Variants in KLF8 observed in about 807,000 individuals in gnomAD.
KLF8 encodes KLF transcription factor 8, also known as Krueppel-like factor 8.
KLF8 carries 10 observed loss-of-function variants against 18.2 expected under a neutral mutation model. The observed-to-expected ratio is 0.55, with a 90% CI of 0.34 to 0.93. The LOEUF (loss-of-function observed/expected upper bound fraction) is 0.93. Ranked by LOEUF, KLF8 falls within the 40% of genes least tolerant of loss-of-function variation. The pLI, the probability that KLF8 is intolerant of heterozygous loss-of-function variation, is 0.02. For synonymous variants in KLF8, 109 were observed against 97.3 expected (o/e 1.12, Z -0.71); for missense variants, 264 against 277.9 (o/e 0.95, Z 0.36).
the KLF8 span, among the ~76,000 whole-genome samples, chrX:56,058,966 C>T: frequency 8.0e-5 from 9 of 111,935 alleles, no homozygotes; most frequent in African/African-American, 2.9e-4. Context: ...CCACTCCCAC[C>T]AACAGTGTAA....
At chrX:56,070,763 G>A in the KLF8 span, among the ~76,000 whole-genome samples, 8,705 of 112,320 alleles carry the variant, frequency 0.078, 817 homozygotes, top group African/African-American at 0.27. Context: ...TTCTGCACAT[G>A]TATCTTGGAA....
chrX:55,944,793 A>T, the KLF8 span, among the ~76,000 whole-genome samples: 9 of 110,922 alleles, frequency 8.1e-5, no homozygotes, highest in Non-Finnish European at 1.7e-4. Flanking sequence ...TCCTGTATTC[A>T]TTAATTTTTT....
chrX:56,094,461 A>C, the KLF8 span, among the ~76,000 whole-genome samples: 3 of 111,257 alleles, frequency 2.7e-5, no homozygotes, highest in Admixed American at 2.9e-4. Context: ...AAAATATAGG[A>C]GGCCAAAACT....
At chrX:56,051,581 A>G in the KLF8 span, among the ~76,000 whole-genome samples, 9,479 of 110,628 alleles carry the variant, frequency 0.086, 1,104 homozygotes, top group African/African-American at 0.3. Context: ...TTCTTTAAGA[A>G]TGTTGAATAT....
the KLF8 span, among the ~76,000 whole-genome samples, chrX:56,224,200 G>C: frequency 1.8e-5 from 2 of 111,677 alleles, no homozygotes; most frequent in Non-Finnish European, 3.8e-5. Context: ...AGATAGTGCA[G>C]GTAAGAAATG....
At chrX:56,117,770 G>A in the KLF8 span, among the ~76,000 whole-genome samples, 1 of 111,919 alleles carries the variant, frequency 8.9e-6, no homozygotes, top group Non-Finnish European at 1.9e-5. Context: ...TCAGTGTGGG[G>A]CAGCAGTGAA....
chrX:56,165,149 A>C, the KLF8 span, among the ~76,000 whole-genome samples: 3 of 110,565 alleles, frequency 2.7e-5, no homozygotes, highest in Middle Eastern at 4.6e-3. Flanking sequence ...ACAATAGCAA[A>C]GACTTGGAAC....
At chrX:56,042,748 G>A in the KLF8 span, among the ~76,000 whole-genome samples, 2 of 111,366 alleles carry the variant, frequency 1.8e-5, no homozygotes, top group Non-Finnish European at 3.8e-5. Context: ...CCTGAGAGGG[G>A]TCTCTTGAAG....
the KLF8 span, among the ~76,000 whole-genome samples, chrX:55,929,562 G>T: frequency 8.9e-6 from 1 of 111,963 alleles, no homozygotes; most frequent in African/African-American, 3.2e-5. Context: ...TAAGGAAGTG[G>T]TCCAGTTTCA....
At chrX:56,051,127 C>A in the KLF8 span, among the ~76,000 whole-genome samples, 3 of 111,006 alleles carry the variant, frequency 2.7e-5, no homozygotes, top group Non-Finnish European at 3.8e-5. Flanking sequence ...CTTGGTAGAT[C>A]TTCCTCCATC....
chrX:56,049,342 G>A, the KLF8 span, among the ~76,000 whole-genome samples: 28 of 111,562 alleles, frequency 2.5e-4, no homozygotes, highest in Non-Finnish European at 1.3e-4. Context: ...CCTGTCTTGT[G>A]CCAGTTTTCA....
chrX:56,172,712 A>C, the KLF8 span, among the ~76,000 whole-genome samples: 1 of 112,050 alleles, frequency 8.9e-6, no homozygotes. Flanking sequence ...ACTAGTTTCC[A>C]GTCCCGCCAA....
the KLF8 span, among the ~76,000 whole-genome samples, chrX:56,172,762 C>T: frequency 8.9e-6 from 1 of 111,938 alleles, no homozygotes; most frequent in African/African-American, 3.3e-5. Context: ...TCTTCTCCAG[C>T]ACCTGTTGTT....
At chrX:56,178,432 T>A in the KLF8 span, among the ~76,000 whole-genome samples, 1 of 112,149 alleles carries the variant, frequency 8.9e-6, no homozygotes, top group African/African-American at 3.2e-5. Flanking sequence ...ATCCTGTAGG[T>A]TGCCTGTTCA....
At chrX:56,174,716 T>C in the KLF8 span, among the ~76,000 whole-genome samples, 2 of 111,395 alleles carry the variant, frequency 1.8e-5, no homozygotes, top group African/African-American at 6.5e-5. Context: ...GCTGTGAATC[T>C]ATCTGGTCTT....
chrX:56,044,580 G>A, the KLF8 span, among the ~76,000 whole-genome samples: 21 of 112,792 alleles, frequency 1.9e-4, no homozygotes, highest in East Asian at 1.4e-3. Flanking sequence ...AAACAGTCTC[G>A]CCACAATCTG....
intron 5 of KLF8, among the ~76,000 whole-genome samples, chrX:56,280,097 T>C (rs2067180474): frequency 8.9e-6 from 1 of 112,061 alleles, no homozygotes; most frequent in Non-Finnish European, 1.9e-5. Flanking sequence ...TCCCCTGAGT[T>C]TGCAATCATA....
chrX:56,004,946 C>A, the KLF8 span, among the ~76,000 whole-genome samples: 1 of 111,092 alleles, frequency 9.0e-6, no homozygotes, highest in Non-Finnish European at 1.9e-5. Flanking sequence ...TAAAAGCCAC[C>A]CACTTTGCTC....
chrX:56,090,351 G>A, the KLF8 span, among the ~76,000 whole-genome samples: 1 of 111,462 alleles, frequency 9.0e-6, no homozygotes, highest in South Asian at 3.8e-4. Context: ...TTTACCTAGT[G>A]AATGATGTCT....
Sources: gnomAD v4.1 joint callset for allele counts (sites outside exome capture counted in the v4.1 genomes callset) on GRCh38, gnomAD v4.1.1 for gene constraint, MANE v1.5 for transcripts, NCBI Gene and HGNC (gene_info 2026-07-23, HGNC 2026-07-21) for gene names.